RAMAC: variants seen among roughly 807,000 people sequenced by gnomAD.
The protein encoded by RAMAC is RNA guanine-7 methyltransferase activating subunit.
A neutral mutation model predicts 17.9 loss-of-function variants in RAMAC; 11 were observed. That is an observed-to-expected ratio of 0.61 (90% CI 0.39 to 1.02). The LOEUF (loss-of-function observed/expected upper bound fraction) is 1.02. RAMAC is among the 50% of genes least tolerant of loss of function. The pLI is 0.01. For synonymous variants in RAMAC, 27 were observed against 48.4 expected, an observed-to-expected ratio of 0.56 and a Z score of 1.84; for missense variants, 109 against 144.0, an observed-to-expected ratio of 0.76 and a Z score of 1.25.
At chr15:82,989,793 A>G (rs2030780402) in intron 3 of RAMAC, 88 bp from the exon 4 acceptor site, 9 of 1,478,970 alleles carry the variant, frequency 6.1e-6, no homozygotes, top group Non-Finnish European at 8.2e-6. Flanking sequence ...GTGTATTAGA[A>G]TGAGAAACCA....
chr15:82,986,535 G>A (rs1189400682), intron 1 of RAMAC, among the ~76,000 whole-genome samples, 166 bp downstream of exon 1: 1 of 152,190 alleles, frequency 6.6e-6, no homozygotes, highest in Non-Finnish European at 1.5e-5. Context: ...AGGTGCTTCG[G>A]AAGGGAGCAA....
At chr15:82,989,330 A>G in intron 3 of RAMAC, 142 bp downstream of exon 3, 9 of 648,402 alleles carry the variant, frequency 1.4e-5, no homozygotes, top group Non-Finnish European at 1.7e-5. Context: ...CTGGTACATC[A>G]TTTCTGATAA....
intron 1 of RAMAC, among the ~76,000 whole-genome samples, chr15:82,986,940 T>C (rs2030641924): frequency 6.6e-6 from 1 of 151,718 alleles, no homozygotes; most frequent in African/African-American, 2.4e-5. Flanking sequence ...GTTTGTTTTT[T>C]GTTTTTTTTT....
chr15:82,987,837 C>T (rs2151269213), intron 2 of RAMAC, among the ~76,000 whole-genome samples: 1 of 150,866 alleles, frequency 6.6e-6, no homozygotes, highest in East Asian at 2.0e-4. Flanking sequence ...GTCAGGAGTT[C>T]AAGATCAGCC....
chr15:82,989,818 G>T, intron 3 of RAMAC, 63 bp from the exon 4 acceptor site: 2 of 1,578,398 alleles, frequency 1.3e-6, no homozygotes, highest in Non-Finnish European at 1.7e-6. Context: ...CACTGCTATG[G>T]GTTTGTCATA....
chr15:82,990,772 C>T lies in RAMAC; in HGVS notation c.*705C>T, dbSNP rs950699482. The T allele has an allele frequency of 1.3e-6, 1 of 785,716 alleles. No individual in the cohort carries two copies. The highest frequency in any genetic ancestry group is 2.1e-6 in the Non-Finnish European group (1 of 472,238). 48.7% of individuals were successfully genotyped at this position (785,716 alleles called of 1,614,324 possible). A position where few individuals can be genotyped will look rare whatever the true frequency, so the allele number is the denominator to read the frequency against. On this transcript the variant is annotated 3_prime_UTR_variant, in exon 4 of 4. Coordinates refer to ENST00000304191, the MANE Select transcript of RAMAC (RefSeq NM_031452.4). ...GCTTTTTGCTAACAACATAGCAGGT[C>T]AAAATTCACACATAAGAAAGTTTAA...
chr15:82,987,518 C>T (rs577868813), intron 2 of RAMAC, 134 bp downstream of exon 2: 1 of 152,202 alleles, frequency 6.6e-6, no homozygotes, highest in East Asian at 1.9e-4. Context: ...GGAGTAGCAC[C>T]TTTTCCTTGC....
intron 2 of RAMAC, chr15:82,988,728 G>A: frequency 4.4e-6 from 2 of 457,418 alleles, no homozygotes; most frequent in Non-Finnish European, 8.5e-6. Flanking sequence ...CAGCAACTTG[G>A]GAGGCTGAGG....
Position 82,990,752 on chromosome 15 carries a change from T to G in RAMAC, c.*685T>G. ...CATTTTATACAAACACTAAAGCTTTTTGCTAACAACATAGCAGGTCAAAAT... is the reference window on the plus strand; with the variant it reads ...CATTTTATACAAACACTAAAGCTTTGTGCTAACAACATAGCAGGTCAAAAT... On this transcript the variant is annotated 3_prime_UTR_variant, in exon 4 of 4. Transcript: ENST00000304191. 1 of 1,047,528 alleles carries G rather than the reference T, an allele frequency of 9.5e-7. No homozygotes were observed. Among genetic ancestry groups the G allele is most frequent in the Non-Finnish European group, 1.4e-6 (1 of 694,854 alleles). 64.9% of individuals were successfully genotyped at this position (1,047,528 alleles called of 1,614,324 possible). A position where few individuals can be genotyped will look rare whatever the true frequency, so the allele number is the denominator to read the frequency against.
Position 82,990,726 on chromosome 15 carries a change from T to C in RAMAC, c.*659T>C. On this transcript the variant is annotated 3_prime_UTR_variant, in exon 4 of 4. Transcript: ENST00000304191. ...GTGGTGGTTGGGATAAGGGTACACA[T>C]CATTTTATACAAACACTAAAGCTTT... The C allele has an allele frequency of 1.6e-6, 2 of 1,281,018 alleles. No individual in the cohort carries two copies. The highest frequency in any genetic ancestry group is 2.2e-6 in the Non-Finnish European group (2 of 905,134). The allele number at this position is 1,281,018 out of a possible 1,614,324, so 79.4% of individuals were successfully genotyped here.
rs2030806859 is a variant in RAMAC, at chr15:82,990,462, T to C, written c.*395T>C. The stretch of plus-strand genomic sequence containing the variant: ...TCGTTTCTAAAATTCTAGAGGTTGA[T>C]ATAATCAGCTCATGAATGCACAGCT... On this transcript the variant is annotated 3_prime_UTR_variant, in exon 4 of 4. Transcript: ENST00000304191. 1 of 536,730 alleles carries C rather than the reference T, an allele frequency of 1.9e-6. No homozygotes were observed. The highest frequency in any genetic ancestry group is 3.2e-6 in the Non-Finnish European group (1 of 311,974). The allele number at this position is 536,730 out of a possible 1,614,324, so 33.2% of individuals were successfully genotyped here.
In RAMAC at chr15:82,989,206, T is replaced by G; in HGVS notation, c.170+18T>G. The G allele has an allele frequency of 1.2e-6, 2 of 1,609,004 alleles. No homozygotes were observed. The highest frequency in any genetic ancestry group is 1.7e-6 in the Non-Finnish European group (2 of 1,178,104). On this transcript the variant is annotated intron_variant, in intron 3 of 3. Coordinates refer to ENST00000304191, the MANE Select transcript of RAMAC (RefSeq NM_031452.4). The stretch of plus-strand genomic sequence containing the variant: ...GGCAATCGGTGTGTATTCAAAAGAA[T>G]AAATGCAGATAGTTGATCTGGCAGA...
Position 82,990,660 on chromosome 15 carries a change from A to G in RAMAC, c.*593A>G. ...AGAGGGAAATCAGTAATAAAGCTGTAAAATAAGGAAGGAATCATTGTCAGT... is the reference window on the plus strand; with the variant it reads ...AGAGGGAAATCAGTAATAAAGCTGTGAAATAAGGAAGGAATCATTGTCAGT... On this transcript the variant is annotated 3_prime_UTR_variant, in exon 4 of 4. Transcript: ENST00000304191. 1 of 1,530,512 alleles carries G rather than the reference A, an allele frequency of 6.5e-7. No individual in the cohort carries two copies. The highest frequency in any genetic ancestry group is 8.9e-7 in the Non-Finnish European group (1 of 1,128,188). 94.8% of individuals were successfully genotyped at this position (1,530,512 alleles called of 1,614,324 possible). A position where few individuals can be genotyped will look rare whatever the true frequency, so the allele number is the denominator to read the frequency against.
chr15:82,989,810 C>T, intron 3 of RAMAC, 71 bp from the exon 4 acceptor site: 1 of 1,543,894 alleles, frequency 6.5e-7, no homozygotes. Flanking sequence ...ACCAGAAGCA[C>T]TGCTATGGGT....
rs2030805745 is a variant in RAMAC at position 82,990,425 on chromosome 15, G to A, written c.*358G>A. ...TTGTAAGGTAAGAGAGTATCCATATGCTTAGATGTGCTCGTTTCTAAAATT... is the reference window on the plus strand; with the variant it reads ...TTGTAAGGTAAGAGAGTATCCATATACTTAGATGTGCTCGTTTCTAAAATT... On this transcript the variant is annotated 3_prime_UTR_variant, in exon 4 of 4. Transcript: ENST00000304191. The A allele has an allele frequency of 4.1e-6, 2 of 487,810 alleles. No individual in the cohort carries two copies. The highest frequency in any genetic ancestry group is 5.9e-5 in the South Asian group (2 of 34,122). 30.2% of individuals were successfully genotyped at this position (487,810 alleles called of 1,614,324 possible). A position where few individuals can be genotyped will look rare whatever the true frequency, so the allele number is the denominator to read the frequency against.
intron 2 of RAMAC, 28 bp from the exon 3 acceptor site, chr15:82,988,982 T>A (rs571486084): frequency 1.9e-6 from 3 of 1,545,174 alleles, no homozygotes; most frequent in South Asian, 1.2e-5. Context: ...AAATTTTTTT[T>A]AATGGAAATG....
chr15:82,988,930 T>A (rs2030739989), intron 2 of RAMAC, 80 bp from the exon 3 acceptor site: 1 of 1,360,096 alleles, frequency 7.4e-7, no homozygotes, highest in South Asian at 1.5e-5. Context: ...AAAAATTGCT[T>A]ACTTCTTGGT....
At chr15:82,989,839 A>C in intron 3 of RAMAC, 42 bp from the exon 4 acceptor site, 1 of 1,599,302 alleles carries the variant, frequency 6.3e-7, no homozygotes, top group Middle Eastern at 1.7e-4. Context: ...TGTTTTTTTT[A>C]ACAAGGGAAG....
chr15:82,989,423 T>C (rs562723892), intron 3 of RAMAC, among the ~76,000 whole-genome samples: 1 of 152,388 alleles, frequency 6.6e-6, no homozygotes, highest in South Asian at 2.1e-4. Context: ...TTAGATGTTT[T>C]TTCTGTAGAC....
Sources: gnomAD v4.1 joint callset for allele counts (sites outside exome capture counted in the v4.1 genomes callset) on GRCh38, gnomAD v4.1.1 for gene constraint, MANE v1.5 for transcripts, NCBI Gene and HGNC (gene_info 2026-07-23, HGNC 2026-07-21) for gene names.